Variants in HS3ST5 observed in about 807,000 individuals in gnomAD.
HS3ST5 encodes heparan sulfate glucosamine 3-O-sulfotransferase 5.
In HS3ST5, 10 loss-of-function variants were observed where a neutral mutation model predicts 25.4. The ratio of observed to expected loss-of-function variants is 0.39; its 90% CI spans 0.24 to 0.67. HS3ST5 has a LOEUF of 0.67. HS3ST5 is among the 30% of genes least tolerant of loss of function. The pLI is 0.44. For missense variants in HS3ST5, 324 were observed against 420.7 expected (o/e 0.77, Z 2.01); for synonymous variants, 170 against 162.4 (o/e 1.05, Z -0.36).
intron 1 of HS3ST5, among the ~76,000 whole-genome samples, chr6:114,320,064 A>G (rs1775903063): frequency 6.6e-6 from 1 of 152,140 alleles, no homozygotes; most frequent in South Asian, 2.1e-4. Context: ...TATTGAATGC[A>G]TACAAGACAT....
chr6:114,343,019 A>T lies in HS3ST5; in HGVS notation c.-1163T>A, dbSNP rs1320747496. 1 of 152,438 alleles carries T rather than the reference A, an allele frequency of 6.6e-6. No individual in the cohort carries two copies. Among genetic ancestry groups the T allele is most frequent in the East Asian group, 1.9e-4 (1 of 5,140 alleles). The allele number at this position is 152,438 out of a possible 1,614,324, so 9.4% of individuals were successfully genotyped here. A position where few individuals can be genotyped will look rare whatever the true frequency, so the allele number is the denominator to read the frequency against. On this transcript the variant is annotated 5_prime_UTR_variant, in exon 1 of 5. Transcript: ENST00000312719. ...GACCGGGTCCCTGGCGACCAGCTGC[A>T]GAGTGGCTGCCAGTCCACACCCTCC...
chr6:114,321,224 T>C (rs1184143902), intron 1 of HS3ST5, among the ~76,000 whole-genome samples: 1 of 152,124 alleles, frequency 6.6e-6, no homozygotes, highest in Non-Finnish European at 1.5e-5. Flanking sequence ...TAAAAATACC[T>C]AGCACAGTGC....
intron 1 of HS3ST5, among the ~76,000 whole-genome samples, chr6:114,311,561 TTGA>T (rs1775535456): frequency 1.4e-5 from 2 of 145,956 alleles, no homozygotes; most frequent in South Asian, 4.4e-4. Context: ...TTTTTTTTTT[TTGA>T]GACAGTCTCA....
At chr6:114,304,909 A>G (rs983681817) in intron 1 of HS3ST5, among the ~76,000 whole-genome samples, 1 of 152,144 alleles carries the variant, frequency 6.6e-6, no homozygotes, top group Non-Finnish European at 1.5e-5. Flanking sequence ...TCACATAGAC[A>G]TAGAGTTGAA....
intron 2 of HS3ST5, among the ~76,000 whole-genome samples, chr6:114,196,177 C>T (rs983926931): frequency 1.3e-5 from 2 of 152,162 alleles, no homozygotes; most frequent in African/African-American, 4.8e-5. Flanking sequence ...CTTCTTAATT[C>T]TCTTGGTTGT....
chr6:114,106,935 CCAA>C (rs1001682575), intron 3 of HS3ST5, among the ~76,000 whole-genome samples: 5 of 151,926 alleles, frequency 3.3e-5, no homozygotes, highest in African/African-American at 1.2e-4. Flanking sequence ...AATTAGAAGA[CCAA>C]CAAATGGTAT....
chr6:114,079,185 G>A (rs777475826), intron 3 of HS3ST5, among the ~76,000 whole-genome samples: 7 of 152,160 alleles, frequency 4.6e-5, no homozygotes, highest in Non-Finnish European at 4.4e-5. Context: ...TAAGACAACA[G>A]TGATTTGCCA....
intron 3 of HS3ST5, among the ~76,000 whole-genome samples, chr6:114,090,690 C>A (rs149439094): frequency 6.6e-6 from 1 of 152,190 alleles, no homozygotes; most frequent in East Asian, 1.9e-4. Flanking sequence ...AAAATGCCAA[C>A]GAAATAAAGT....
chr6:114,062,096 A>G lies in HS3ST5; in HGVS notation c.107+643T>C, dbSNP rs116345053. The stretch of plus-strand genomic sequence containing the variant: ...TGTTGCTGGGACTTCTGCAAGTCCA[A>G]TACCTCTCAACTGTACACCTATTTA... On this transcript the variant is annotated intron_variant, in intron 4 of 4. Transcript: ENST00000312719. 4.2e-3 allele frequency among the ~76,000 whole-genome samples: 646 copies of G among 152,296 alleles called. 10 individuals carry two copies. Among genetic ancestry groups the G allele is most frequent in the African/African-American group, 0.015 (609 of 41,552 alleles).
Position 114,321,231 on chromosome 6 carries a change from G to A in HS3ST5, c.-339+20964C>T, listed in dbSNP as rs75917232. On this transcript the variant is annotated intron_variant, in intron 1 of 4. Transcript: ENST00000312719. ...TAAAAATATAAAAATACCTAGCACAGTGCCTGAAACATTCTGGCATTTGGG... is the reference window on the plus strand; with the variant it reads ...TAAAAATATAAAAATACCTAGCACAATGCCTGAAACATTCTGGCATTTGGG... 9.9e-3 allele frequency among the ~76,000 whole-genome samples: 1,509 copies of A among 152,188 alleles called. 25 individuals carry two copies. Among genetic ancestry groups the A allele is most frequent in the African/African-American group, 0.034 (1,428 of 41,544 alleles).
chr6:114,212,952 G>A (rs1425788885), intron 2 of HS3ST5, among the ~76,000 whole-genome samples: 1 of 152,160 alleles, frequency 6.6e-6, no homozygotes, highest in Non-Finnish European at 1.5e-5. Context: ...TCTGCAAATG[G>A]CTTAAGTGTT....
intron 1 of HS3ST5, among the ~76,000 whole-genome samples, chr6:114,316,769 A>G (rs1775763884): frequency 6.6e-6 from 1 of 152,230 alleles, no homozygotes; most frequent in Admixed American, 6.5e-5. Context: ...CAACAGCACA[A>G]ATTATTTTAA....
intron 2 of HS3ST5, among the ~76,000 whole-genome samples, chr6:114,176,616 C>T (rs1370495285): frequency 4.6e-5 from 7 of 151,994 alleles, no homozygotes; most frequent in African/African-American, 9.7e-5. Context: ...CATGGGGTTG[C>T]GGCTGGAAGT....
At chr6:114,262,795 A>G (rs991693280) in intron 1 of HS3ST5, among the ~76,000 whole-genome samples, 25 of 152,314 alleles carry the variant, frequency 1.6e-4, no homozygotes, top group Admixed American at 4.6e-4. Context: ...TGAACTATGA[A>G]ATTTTTGATT....
intron 2 of HS3ST5, among the ~76,000 whole-genome samples, chr6:114,223,359 T>C (rs1782129745): frequency 6.6e-6 from 1 of 151,804 alleles, no homozygotes; most frequent in South Asian, 2.1e-4. Context: ...TAAGCGGCTT[T>C]GCATGATAAC....
Position 114,057,254 on chromosome 6 carries a change from A to G in HS3ST5, c.*3T>C. ...AACACATAGTGTTGTATGACATATTATTTTAGGGCCAGTTCAATGTCCTCC... is the reference window on the plus strand; with the variant it reads ...AACACATAGTGTTGTATGACATATTGTTTTAGGGCCAGTTCAATGTCCTCC... On this transcript the variant is annotated 3_prime_UTR_variant, in exon 5 of 5. Transcript: ENST00000312719. 1 of 1,600,558 alleles carries G rather than the reference A, an allele frequency of 6.2e-7. No homozygotes were observed. The highest frequency in any genetic ancestry group is 8.6e-7 in the Non-Finnish European group (1 of 1,169,196).
chr6:114,280,443 G>A (rs13217813), intron 1 of HS3ST5, among the ~76,000 whole-genome samples: 23,613 of 151,874 alleles, frequency 0.16, 2,004 homozygotes, highest in Middle Eastern at 0.21. Flanking sequence ...CAGGAGGTAC[G>A]CCCTCTTCCA....
At chr6:114,303,473 TC>T (rs1284332076) in intron 1 of HS3ST5, among the ~76,000 whole-genome samples, 12 of 150,102 alleles carry the variant, frequency 8.0e-5, no homozygotes, top group African/African-American at 2.9e-4. Context: ...TTTTTTTTTT[TC>T]TGGGCAGAGT....
At chr6:114,127,492 G>T (rs1777100080) in intron 3 of HS3ST5, among the ~76,000 whole-genome samples, 1 of 151,976 alleles carries the variant, frequency 6.6e-6, no homozygotes, top group Non-Finnish European at 1.5e-5. Flanking sequence ...GAATCAACCA[G>T]AGAAGGAAAG....
Sources: allele counts gnomAD v4.1 joint callset (sites outside exome capture counted in the v4.1 genomes callset), GRCh38; gene constraint gnomAD v4.1.1; transcripts MANE v1.5; gene names NCBI Gene and HGNC (gene_info 2026-07-23, HGNC 2026-07-21).